MAPK6: variants seen among roughly 807,000 people sequenced by gnomAD.
MAPK6 encodes the protein ERK-3.
In MAPK6, 19 loss-of-function variants were observed where a neutral mutation model predicts 59.3. That is an observed-to-expected ratio of 0.32 (90% CI 0.22 to 0.47). The LOEUF (loss-of-function observed/expected upper bound fraction) is 0.47, where lower values mean the gene tolerates loss of function less well. Ranked by LOEUF, MAPK6 falls within the 20% of genes least tolerant of loss-of-function variation. MAPK6 has a pLI of 1.00. For missense variants in MAPK6, 724 were observed against 847.9 expected, an observed-to-expected ratio of 0.85 and a Z score of 1.81; for synonymous variants, 316 against 290.3, an observed-to-expected ratio of 1.09 and a Z score of -0.90.
At chr15:52,032,168 C>T (rs1207692734) in intron 1 of MAPK6, among the ~76,000 whole-genome samples, 1 of 151,328 alleles carries the variant, frequency 6.6e-6, no homozygotes, top group Non-Finnish European at 1.5e-5. Flanking sequence ...GCCACCGTGC[C>T]CAGCCCAACA....
intron 1 of MAPK6, among the ~76,000 whole-genome samples, chr15:52,022,086 G>C (rs955378911): frequency 2.0e-5 from 3 of 152,136 alleles, no homozygotes; most frequent in Admixed American, 1.3e-4. Context: ...CACTTTGGGA[G>C]CCTGAGGTGG....
At chr15:52,037,720 A>C (rs1217674064) in intron 1 of MAPK6, among the ~76,000 whole-genome samples, 2 of 152,214 alleles carry the variant, frequency 1.3e-5, no homozygotes, top group Admixed American at 1.3e-4. Flanking sequence ...CATATCTGGG[A>C]ATCTTCACTG....
At chr15:52,052,094 A>G (rs965152134) in intron 3 of MAPK6, among the ~76,000 whole-genome samples, 1 of 152,234 alleles carries the variant, frequency 6.6e-6, no homozygotes, top group Non-Finnish European at 1.5e-5. Context: ...AACAACAAAC[A>G]TTTATTAACG....
chr15:52,060,163 C>T (rs990364393), intron 4 of MAPK6, among the ~76,000 whole-genome samples: 11 of 152,148 alleles, frequency 7.2e-5, no homozygotes, highest in African/African-American at 2.7e-4. Context: ...TCCTTGAGCC[C>T]AGGAGTTCAA....
chr15:52,059,989 C>T (rs936228916), intron 4 of MAPK6, among the ~76,000 whole-genome samples: 2 of 152,186 alleles, frequency 1.3e-5, no homozygotes, highest in African/African-American at 2.4e-5. Flanking sequence ...TTAAGTACAT[C>T]TGAGTGAACG....
chr15:52,062,047 T>G (rs915093887), intron 5 of MAPK6, among the ~76,000 whole-genome samples: 1 of 151,962 alleles, frequency 6.6e-6, no homozygotes, highest in African/African-American at 2.4e-5. Flanking sequence ...AAAAAGTATT[T>G]GATTCATATT....
chr15:51,986,166 G>A (rs114515535), intron 2 of MAPK6, among the ~76,000 whole-genome samples: 2,742 of 152,214 alleles, frequency 0.018, 31 homozygotes, highest in African/African-American at 0.038. Context: ...AGTGAAGGGG[G>A]AAGTGCTACA....
intron 4 of MAPK6, among the ~76,000 whole-genome samples, chr15:52,059,921 G>C (rs868515977): frequency 6.6e-6 from 1 of 152,170 alleles, no homozygotes; most frequent in Admixed American, 6.5e-5. Context: ...TTGGTAAAAA[G>C]AATACATGTT....
At chr15:52,015,287 C>T (rs111763169), upstream of MAPK6, among the ~76,000 whole-genome samples, 4,632 of 152,006 alleles carry the variant, frequency 0.03, 91 homozygotes, top group Admixed American at 0.044. Flanking sequence ...AGGTATGAGC[C>T]ACCGCACCCA....
In MAPK6 at chr15:52,064,715, T is replaced by C. The variant is rs1213860683; in HGVS notation, c.1881T>C (p.Ser627=). Residue 627 remains serine, a synonymous_variant, in exon 6 of 6, where the codon AGT becomes AGC. Coordinates refer to ENST00000261845, the MANE Select transcript of MAPK6 (RefSeq NM_002748.4). The part of the protein sequence containing the change: ...EQVEKENTYT[S]YLDKFFSRKE... The stretch of plus-strand genomic sequence containing the variant: ...TTGAGAAGGAAAACACTTACACTAG[T>C]TACTTGGACAAGTTCTTTAGCAGGA... The C allele has an allele frequency of 2.5e-6, 4 of 1,611,916 alleles. No individual in the cohort carries two copies. The highest frequency in any genetic ancestry group is 2.5e-6 in the Non-Finnish European group (3 of 1,179,784).
chr15:52,063,608 C>A (rs548629584), intron 5 of MAPK6, among the ~76,000 whole-genome samples: 4 of 150,832 alleles, frequency 2.7e-5, no homozygotes, highest in Admixed American at 6.6e-5. Flanking sequence ...TTGTAAGGTA[C>A]CTGATTGAGA....
At chr15:51,987,600 T>TA in intron 2 of MAPK6, among the ~76,000 whole-genome samples, 1 of 151,756 alleles carries the variant, frequency 6.6e-6, no homozygotes, top group Non-Finnish European at 1.5e-5. Context: ...GCCTGGGTGA[T>TA]AGAGTGAGAC....
chr15:52,064,035 T>C lies in MAPK6; in HGVS notation c.1201T>C (p.Tyr401His). The change falls in exon 6 of 6, where the codon TAT becomes CAT. Residue 401 changes from tyrosine (Y) to histidine (H), a missense_variant. Around this residue, in one of 4 missense-constraint regions of MAPK6, gnomAD observed 502 missense variants for 507.6 expected, o/e 0.99. Transcript: ENST00000261845. ...AGAAGTACAAGTTGATCCCCGAAAATATTTGGATGGAGATCGGGAAAAGTA... is the reference window on the plus strand; with the variant it reads ...AGAAGTACAAGTTGATCCCCGAAAACATTTGGATGGAGATCGGGAAAAGTA... ...EEEVQVDPRK[Y>H]LDGDREKYLE... The C allele has an allele frequency of 6.2e-7, 1 of 1,613,732 alleles. No homozygotes were observed. Among genetic ancestry groups the C allele is most frequent in the Non-Finnish European group, 8.5e-7 (1 of 1,179,792 alleles).
chr15:52,003,609 T>C (rs1595964059), intron 2 of MAPK6, among the ~76,000 whole-genome samples: 2 of 152,250 alleles, frequency 1.3e-5, no homozygotes, highest in Non-Finnish European at 2.9e-5. Context: ...ATGTCAGCAA[T>C]TGACTCTCAA....
At position 51,997,128 on chromosome 15, in the gene MAPK6, C is replaced by T. The variant is rs1278286475; in HGVS notation, c.-769-7137C>T. Among the ~76,000 whole-genome samples, 5 of 151,552 alleles carry T rather than the reference C, an allele frequency of 3.3e-5. No individual in the cohort carries two copies. In the East Asian group the frequency reaches 5.8e-4, roughly 18 times the overall value. On this transcript the variant is annotated intron_variant, in intron 2 of 7. Coordinates refer to the MAPK6 transcript ENST00000691380. ...CTGAGTAGCTGGGATTACAGGCGCC[C>T]GCCACTACACCCAGCTAGTTTTCTT...
chr15:52,011,597 A>T (rs2030060442), intron 3 of MAPK6: 1 of 152,234 alleles, frequency 6.6e-6, no homozygotes, highest in Non-Finnish European at 1.5e-5. Context: ...TACACATAAA[A>T]CAAGATTATA....
At chr15:51,979,457 G>A (rs2057166639) in intron 1 of MAPK6, among the ~76,000 whole-genome samples, 1 of 151,662 alleles carries the variant, frequency 6.6e-6, no homozygotes, top group South Asian at 2.1e-4. Context: ...TAAGGAGGAG[G>A]AAAAAACATT....
rs531267736 is a variant in MAPK6, at chr15:52,067,024, T to A, written c.*2024T>A. The A allele has an allele frequency of 6.6e-6, 1 of 152,304 alleles. No individual in the cohort carries two copies. The highest frequency in any genetic ancestry group is 2.1e-4 in the South Asian group (1 of 4,828). The allele number at this position is 152,304 out of a possible 1,614,324, so 9.4% of individuals were successfully genotyped here. On this transcript the variant is annotated 3_prime_UTR_variant, in exon 6 of 6. Coordinates refer to ENST00000261845, the MANE Select transcript of MAPK6 (RefSeq NM_002748.4). ...TAAAGGAAGCAACGGGCAGCAGACATTGGTCCCTGATCCTCCATTATAACC... is the reference window on the plus strand; with the variant it reads ...TAAAGGAAGCAACGGGCAGCAGACAATGGTCCCTGATCCTCCATTATAACC...
In MAPK6 at chr15:52,064,397, G is replaced by T; in HGVS notation, c.1563G>T (p.Lys521Asn). 5.0e-6 allele frequency: 8 copies of T among 1,611,966 alleles called. No homozygotes were observed. The highest frequency in any genetic ancestry group is 6.8e-6 in the Non-Finnish European group (8 of 1,179,830). ...AACTGGCTGGAAAAGAAAGGGAAAAGAATCAGGGATTTGATTTTGATTCCT... is the reference window on the plus strand; with the variant it reads ...AACTGGCTGGAAAAGAAAGGGAAAATAATCAGGGATTTGATTTTGATTCCT... ...SQQLAGKERE[K>N]NQGFDFDSFI... The change falls in exon 6 of 6, where the codon AAG becomes AAT. Residue 521 changes from lysine to asparagine, a missense_variant. By Grantham distance (94) the Lys-to-Asn change is moderately conservative. Coordinates refer to ENST00000261845, the MANE Select transcript of MAPK6 (RefSeq NM_002748.4).
Sources: allele counts gnomAD v4.1 joint callset (sites outside exome capture counted in the v4.1 genomes callset), GRCh38; gene constraint gnomAD v4.1.1; regional missense constraint gnomAD v4.1.1; transcripts MANE v1.5; gene names NCBI Gene and HGNC (gene_info 2026-07-23, HGNC 2026-07-21).